The following MEMO1 variants were observed in gnomAD, a reference collection of about 807,000 sequenced individuals.
The protein encoded by MEMO1 is protein MEMO1.
A neutral mutation model predicts 45.2 loss-of-function variants in MEMO1; 6 were observed. The ratio of observed to expected loss-of-function variants is 0.13; its 90% CI spans 0.07 to 0.26. The LOEUF is 0.26. MEMO1 is among the 10% of genes least tolerant of loss of function. MEMO1 has a pLI of 1.00. For missense variants in MEMO1, 184 were observed against 370.5 expected, an observed-to-expected ratio of 0.50 and a Z score of 4.13; for synonymous variants, 78 against 124.3, an observed-to-expected ratio of 0.63 and a Z score of 2.48.
At chr2:31,934,868 T>C (rs752329753) in intron 3 of MEMO1, among the ~76,000 whole-genome samples, 47 of 152,084 alleles carry the variant, frequency 3.1e-4, no homozygotes, top group Non-Finnish European at 5.1e-4. Context: ...AAGCATGAGG[T>C]ACTAATGTCA....
chr2:32,001,874 G>A (rs751402949), intron 2 of MEMO1, among the ~76,000 whole-genome samples: 108 of 152,074 alleles, frequency 7.1e-4, no homozygotes, highest in Non-Finnish European at 9.7e-4. Flanking sequence ...ATGGCCAGGC[G>A]TGGTGGCTCA....
At chr2:31,960,828 C>T (rs920223344) in intron 2 of MEMO1, among the ~76,000 whole-genome samples, 1 of 151,964 alleles carries the variant, frequency 6.6e-6, no homozygotes, top group Non-Finnish European at 1.5e-5. Context: ...TCAAGTGATC[C>T]GCCCGCCTCA....
At chr2:31,976,072 C>T (rs1669969920) in intron 2 of MEMO1, among the ~76,000 whole-genome samples, 1 of 151,910 alleles carries the variant, frequency 6.6e-6, no homozygotes, top group Admixed American at 6.6e-5. Flanking sequence ...ATTGCAATTA[C>T]TTTTAATAAA....
chr2:31,884,907 G>C (rs1297493027), intron 7 of MEMO1, among the ~76,000 whole-genome samples: 1 of 151,692 alleles, frequency 6.6e-6, no homozygotes, highest in East Asian at 1.9e-4. Context: ...TGTTACCTTA[G>C]CTATGAGATC....
intron 6 of MEMO1, among the ~76,000 whole-genome samples, chr2:31,902,117 T>C (rs756216218): frequency 1.3e-5 from 2 of 151,812 alleles, no homozygotes; most frequent in Non-Finnish European, 2.9e-5. Flanking sequence ...CCCCTAATCT[T>C]AAAAACAAAT....
At chr2:31,892,195 AT>A in intron 6 of MEMO1, 61 bp from the exon 7 acceptor site, 14 of 1,430,010 alleles carry the variant, frequency 9.8e-6, no homozygotes, top group South Asian at 7.7e-5. Flanking sequence ...AGTTTTCCAA[AT>A]GTGTTGGCAT....
At chr2:31,946,188 A>AC (rs1404368094) in intron 2 of MEMO1, among the ~76,000 whole-genome samples, 1 of 152,170 alleles carries the variant, frequency 6.6e-6, no homozygotes, top group Non-Finnish European at 1.5e-5. Flanking sequence ...CGTTCCCAAT[A>AC]TTTGATATTG....
chr2:31,957,302 G>T (rs1301800699), intron 2 of MEMO1, among the ~76,000 whole-genome samples: 2 of 152,124 alleles, frequency 1.3e-5, no homozygotes, highest in Non-Finnish European at 2.9e-5. Flanking sequence ...AAAATATGGT[G>T]CAATCATATA....
chr2:32,010,057 G>A (rs895670807), intron 2 of MEMO1, 130 bp downstream of exon 2: 13 of 272,604 alleles, frequency 4.8e-5, no homozygotes, highest in African/African-American at 3.0e-4. Flanking sequence ...CACGCGGTCC[G>A]CGCCCGGCGG....
intron 3 of MEMO1, among the ~76,000 whole-genome samples, chr2:31,937,499 C>A (rs903295825): frequency 3.3e-5 from 5 of 152,182 alleles, no homozygotes; most frequent in African/African-American, 1.2e-4. Flanking sequence ...AAGATTGTCT[C>A]ATGATATCCA....
chr2:31,902,232 C>T (rs982236956), intron 6 of MEMO1, among the ~76,000 whole-genome samples: 3 of 152,022 alleles, frequency 2.0e-5, no homozygotes, highest in African/African-American at 7.2e-5. Context: ...GCCTGGCTCA[C>T]ATGGTGAAAC....
intron 7 of MEMO1, among the ~76,000 whole-genome samples, chr2:31,886,108 A>G (rs1242483443): frequency 6.6e-6 from 1 of 152,222 alleles, no homozygotes; most frequent in Non-Finnish European, 1.5e-5. Flanking sequence ...AGTAAATGCC[A>G]TCTACTTTTT....
intron 4 of MEMO1, chr2:31,923,451 CA>C (rs974373535): frequency 1.2e-3 from 597 of 515,948 alleles, no homozygotes; most frequent in South Asian, 2.1e-3. Context: ...AGAACCATTT[CA>C]AAAAAAAAGT....
chr2:32,009,702 G>C (rs1674570617), intron 2 of MEMO1, among the ~76,000 whole-genome samples: 2 of 152,156 alleles, frequency 1.3e-5, no homozygotes, highest in Non-Finnish European at 2.9e-5. Flanking sequence ...GGGAAGACGG[G>C]AGAGGAAAGG....
At chr2:31,884,028 C>T (rs1388259246) in intron 7 of MEMO1, among the ~76,000 whole-genome samples, 3 of 151,518 alleles carry the variant, frequency 2.0e-5, no homozygotes, top group Non-Finnish European at 2.9e-5. Context: ...CCTTATGCAA[C>T]GTGAACAGAA....
intron 2 of MEMO1, among the ~76,000 whole-genome samples, chr2:32,009,021 G>A (rs1015603343): frequency 6.6e-6 from 1 of 152,164 alleles, no homozygotes; most frequent in Admixed American, 6.5e-5. Flanking sequence ...AATACCAAAT[G>A]ACTGAAGACT....
chr2:31,901,176 C>T (rs1678732206), intron 6 of MEMO1, among the ~76,000 whole-genome samples: 1 of 151,666 alleles, frequency 6.6e-6, no homozygotes, highest in Admixed American at 6.6e-5. Flanking sequence ...AGTTCGAGAC[C>T]AACCTGACCA....
rs562614013 is a variant in MEMO1, at chr2:31,983,503, C to T, written c.61+26684G>A. ...GGCCAGAGTGAGGGTGGCACAATCT[C>T]GGCTCACTGCGACATCCGCCTTCCG... On this transcript the variant is annotated intron_variant, in intron 2 of 9. Coordinates refer to ENST00000404530, the MANE Select transcript of MEMO1 (RefSeq NM_001301833.4). Among the ~76,000 whole-genome samples, 9 of 152,140 alleles carry T rather than the reference C, an allele frequency of 5.9e-5. No individual in the cohort carries two copies. In the South Asian group the frequency reaches 1.9e-3, roughly 32 times the overall value.
At chr2:31,916,876 T>G (rs1447836321) in intron 6 of MEMO1, among the ~76,000 whole-genome samples, 1 of 152,052 alleles carries the variant, frequency 6.6e-6, no homozygotes. Context: ...CCAAAAAGAC[T>G]GCGATAATGA....
Sources: gnomAD v4.1 joint callset for allele counts (sites outside exome capture counted in the v4.1 genomes callset) on GRCh38, gnomAD v4.1.1 for gene constraint, MANE v1.5 for transcripts, NCBI Gene and HGNC (gene_info 2026-07-23, HGNC 2026-07-21) for gene names.